Variants in SV2C observed in about 807,000 individuals in gnomAD.
SV2C encodes solute carrier family 22 member B3.
In SV2C, 49 loss-of-function variants were observed where a neutral mutation model predicts 79.7. The ratio of observed to expected loss-of-function variants is 0.61; its 90% CI spans 0.49 to 0.78. The LOEUF is 0.78. SV2C is among the 30% of genes least tolerant of loss of function. The pLI is 0.00. For synonymous variants in SV2C, 334 were observed against 333.2 expected (o/e 1.00, Z -0.03); for missense variants, 833 against 912.9 (o/e 0.91, Z 1.13).
intron 1 of SV2C, among the ~76,000 whole-genome samples, chr5:76,117,735 A>G (rs1236302206): frequency 1.3e-5 from 2 of 152,154 alleles, no homozygotes; most frequent in African/African-American, 2.4e-5. Flanking sequence ...CCTTCCTCAT[A>G]TAACAAAAAA....
At chr5:76,003,726 A>G in the SV2C span, among the ~76,000 whole-genome samples, 1 of 152,144 alleles carries the variant, frequency 6.6e-6, no homozygotes, top group Non-Finnish European at 1.5e-5. Context: ...GAGCAAACTT[A>G]GTACCATTTA....
At chr5:75,997,526 T>C in the SV2C span, among the ~76,000 whole-genome samples, 83 of 152,106 alleles carry the variant, frequency 5.5e-4, 1 homozygote, top group African/African-American at 1.9e-3. Context: ...AAAAAGTGGG[T>C]GAAGGGTATG....
rs531690453 is a variant in SV2C at position 76,170,179 on chromosome 5, A to T, written c.581-24740A>T. 7.6e-3 allele frequency among the ~76,000 whole-genome samples: 1,131 copies of T among 149,616 alleles called. 11 individuals are homozygous for T. The highest frequency in any genetic ancestry group is 0.026 in the African/African-American group (1,047 of 40,582). Reference sequence around the variant, plus strand: ...TAACATTAGGTTGGTCAATTTAAATACTGTGGCTCCCTGTTGGATAGACAC... The same window carrying T: ...TAACATTAGGTTGGTCAATTTAAATTCTGTGGCTCCCTGTTGGATAGACAC... On this transcript the variant is annotated intron_variant, in intron 2 of 12. Coordinates refer to ENST00000502798, the MANE Select transcript of SV2C (RefSeq NM_014979.4).
At chr5:75,974,274 T>C in the SV2C span, among the ~76,000 whole-genome samples, 4 of 152,074 alleles carry the variant, frequency 2.6e-5, no homozygotes, top group East Asian at 3.8e-4. Context: ...CCATCGAATC[T>C]ACCTTAGCAA....
At chr5:75,917,533 G>A in the SV2C span, among the ~76,000 whole-genome samples, 2 of 152,110 alleles carry the variant, frequency 1.3e-5, no homozygotes, top group African/African-American at 2.4e-5. Flanking sequence ...TGGAACTGGA[G>A]GTCATTATGT....
At position 76,325,443 on chromosome 5, in the gene SV2C, A is replaced by C. The variant is rs775343906; in HGVS notation, c.2080A>C (p.Ser694Arg). 2.5e-6 allele frequency: 4 copies of C among 1,614,230 alleles called. No homozygotes were observed. In the South Asian group the frequency reaches 4.4e-5, roughly 18 times the overall value. ...AAACTTAATATTTGGCTCTCTGGTC[A>C]GCATCACCAAATCAATCCCCATCCT... is the stretch of plus-strand genomic sequence containing the variant. The part of the protein sequence containing the change: ...LGNLIFGSLV[S>R]ITKSIPILLA... Residue 694 changes from serine (S) to arginine (R), a missense_variant, in exon 13 of 13, where the codon AGC (serine) becomes CGC (arginine). By Grantham distance (110) the Ser-to-Arg change is moderately radical (BLOSUM62 -1). Transcript: ENST00000502798.
chr5:76,067,954 A>G, the SV2C span, among the ~76,000 whole-genome samples: 1 of 152,166 alleles, frequency 6.6e-6, no homozygotes, highest in Non-Finnish European at 1.5e-5. Flanking sequence ...ATTTTACTAA[A>G]TTAACTTTCT....
At chr5:76,248,967 T>G (rs1746030990) in intron 4 of SV2C, among the ~76,000 whole-genome samples, 1 of 152,116 alleles carries the variant, frequency 6.6e-6, no homozygotes, top group Non-Finnish European at 1.5e-5. Flanking sequence ...AGCCAGAAGT[T>G]CCTGTGTTGA....
chr5:75,967,922 A>C, the SV2C span, among the ~76,000 whole-genome samples: 679 of 152,268 alleles, frequency 4.5e-3, 7 homozygotes, highest in African/African-American at 0.015. Flanking sequence ...GGCACCCCCC[A>C]GTAGGGGCAG....
chr5:76,041,253 A>G, the SV2C span, among the ~76,000 whole-genome samples: 1 of 152,222 alleles, frequency 6.6e-6, no homozygotes. Context: ...CCTGGACTAG[A>G]AGGCCAGGTT....
chr5:76,119,796 C>T (rs920575545), intron 1 of SV2C, among the ~76,000 whole-genome samples: 5 of 152,132 alleles, frequency 3.3e-5, no homozygotes, highest in Admixed American at 2.0e-4. Flanking sequence ...GGCAAACATT[C>T]CTATTGAAGA....
At chr5:76,015,209 G>A in the SV2C span, among the ~76,000 whole-genome samples, 1 of 152,124 alleles carries the variant, frequency 6.6e-6, no homozygotes, top group Non-Finnish European at 1.5e-5. Flanking sequence ...GCATAAGTTA[G>A]TGAAGTCTCC....
intron 1 of SV2C, among the ~76,000 whole-genome samples, chr5:76,120,658 A>G (rs1018892750): frequency 4.0e-5 from 6 of 149,336 alleles, no homozygotes; most frequent in Non-Finnish European, 8.9e-5. Flanking sequence ...GAGAATGATG[A>G]TTTCCAATTT....
At chr5:76,232,429 G>C (rs1218967766) in intron 4 of SV2C, among the ~76,000 whole-genome samples, 1 of 146,000 alleles carries the variant, frequency 6.8e-6, no homozygotes, top group Non-Finnish European at 1.5e-5. Flanking sequence ...CTGTGCAGAA[G>C]CTCTTTAGTT....
At chr5:76,097,696 G>A (rs1399801861) in intron 1 of SV2C, among the ~76,000 whole-genome samples, 1 of 152,104 alleles carries the variant, frequency 6.6e-6, no homozygotes, top group Non-Finnish European at 1.5e-5. Flanking sequence ...ATTACTAGGT[G>A]CTTTTGAACA....
intron 4 of SV2C, among the ~76,000 whole-genome samples, chr5:76,278,207 A>T (rs946163086): frequency 6.6e-6 from 1 of 151,978 alleles, no homozygotes; most frequent in Non-Finnish European, 1.5e-5. Context: ...ACATTAAAAG[A>T]ACACTTCCTA....
intron 12 of SV2C, among the ~76,000 whole-genome samples, chr5:76,302,882 T>C (rs1453035597): frequency 6.6e-6 from 1 of 152,158 alleles, no homozygotes; most frequent in Non-Finnish European, 1.5e-5. Flanking sequence ...GACTTTGAAA[T>C]GTAGGAGAGT....
intron 2 of SV2C, among the ~76,000 whole-genome samples, chr5:76,149,894 A>T (rs1749549059): frequency 6.6e-6 from 1 of 152,322 alleles, no homozygotes; most frequent in South Asian, 2.1e-4. Context: ...TGCCAGAGTC[A>T]TGGTGATAGA....
At chr5:76,300,988 CCT>C in intron 11 of SV2C, 56 bp downstream of exon 11, 1 of 1,565,744 alleles carries the variant, frequency 6.4e-7, no homozygotes, top group South Asian at 1.1e-5. Context: ...CCAGAGGGAC[CCT>C]GTTTCCCCCT....
Sources: gnomAD v4.1 joint callset for allele counts (sites outside exome capture counted in the v4.1 genomes callset) on GRCh38, gnomAD v4.1.1 for gene constraint, MANE v1.5 for transcripts, NCBI Gene and HGNC (gene_info 2026-07-23, HGNC 2026-07-21) for gene names.